Variants in PCSK5 observed in about 807,000 individuals in gnomAD.
PCSK5 encodes proprotein convertase subtilisin/kexin type 5, also known as prohormone convertase 5.
A neutral mutation model predicts 233.2 loss-of-function variants in PCSK5; 129 were observed. That is an observed-to-expected ratio of 0.55 (90% CI 0.48 to 0.64). PCSK5 has a LOEUF of 0.64. Among genes scored for constraint, PCSK5 ranks in the 30% least tolerant of loss-of-function variants. The probability of loss-of-function intolerance (pLI) is 0.00; values close to 1 mark genes in which losing one functional copy is unlikely to be tolerated. For missense variants in PCSK5, 2,076 were observed against 2,430.1 expected, an observed-to-expected ratio of 0.85 and a Z score of 3.06; for synonymous variants, 825 against 879.2, an observed-to-expected ratio of 0.94 and a Z score of 1.09.
intron 5 of PCSK5, among the ~76,000 whole-genome samples, chr9:76,036,536 C>T (rs1242757708): frequency 2.0e-5 from 3 of 152,176 alleles, no homozygotes; most frequent in Non-Finnish European, 4.4e-5. Context: ...TTCCTCACCA[C>T]GTCAGTTTCT....
intron 10 of PCSK5, among the ~76,000 whole-genome samples, chr9:76,153,052 G>A (rs375115741): frequency 3.9e-5 from 6 of 152,214 alleles, no homozygotes; most frequent in South Asian, 2.1e-4. Context: ...AAGATGAAAC[G>A]GCTTTCCTGA....
chr9:76,284,619 G>A (rs772198823), intron 24 of PCSK5, among the ~76,000 whole-genome samples: 16 of 141,134 alleles, frequency 1.1e-4, no homozygotes, highest in Non-Finnish European at 2.1e-4. Context: ...TGCAACCTCC[G>A]CCTCCTGGGT....
intron 20 of PCSK5, among the ~76,000 whole-genome samples, chr9:76,197,817 ATCT>A (rs1323799358): frequency 4.6e-5 from 7 of 152,342 alleles, no homozygotes; most frequent in East Asian, 1.9e-4. Context: ...GACGGCACAG[ATCT>A]TCTTCTCTTC....
chr9:76,292,223 T>C lies in PCSK5; in HGVS notation c.3143-10T>C. 5 of 1,533,780 alleles carry C rather than the reference T, an allele frequency of 3.3e-6. No individual in the cohort carries two copies. Among genetic ancestry groups the C allele is most frequent in the Admixed American group, 1.7e-5 (1 of 59,510 alleles). On this transcript the variant is annotated splice_polypyrimidine_tract_variant and intron_variant, in intron 24 of 37. Transcript: ENST00000674117. Reference sequence around the variant, plus strand: ...CATGATTATTACTTTTTATTATTTTTTTTTTCCAGATGATCCAGGAACATG... The same window carrying C: ...CATGATTATTACTTTTTATTATTTTCTTTTTCCAGATGATCCAGGAACATG...
rs551818965 is a variant in PCSK5 at position 76,310,771 on chromosome 9, C to T, written c.3804C>T (p.Ala1268=). 14 of 1,611,934 alleles carry T rather than the reference C, an allele frequency of 8.7e-6. No homozygotes were observed. The highest frequency in any genetic ancestry group is 3.3e-5 in the South Asian group (3 of 90,844). The part of the protein sequence containing the change: ...CTEACAICSG[A]DLCKKCQMQP... ...AGGCCTGTGCCATCTGCTCTGGAGC[C>T]GATCTTTGCAAAAAATGCCAGATGC... The change falls in exon 30 of 38, where the codon GCC becomes GCT. Residue 1268 remains alanine (A), a synonymous_variant. Coordinates refer to ENST00000674117, the MANE Select transcript of PCSK5 (RefSeq NM_001372043.1).
intron 25 of PCSK5, among the ~76,000 whole-genome samples, chr9:76,293,995 G>C (rs144737531): frequency 0.016 from 2,496 of 152,252 alleles, 36 homozygotes; most frequent in Middle Eastern, 0.027. Context: ...TCAGGAGTTT[G>C]GGACCAGCCT....
chr9:76,296,891 AC>A, intron 27 of PCSK5, 26 bp downstream of exon 27: 1 of 1,507,010 alleles, frequency 6.6e-7, no homozygotes, highest in Non-Finnish European at 9.2e-7. Context: ...AAAAGAGGTC[AC>A]AGGGGTCTAG....
chr9:76,328,299 C>A, intron 33 of PCSK5, 60 bp downstream of exon 33: 1 of 1,229,250 alleles, frequency 8.1e-7, no homozygotes, highest in Non-Finnish European at 1.2e-6. Flanking sequence ...CTGCCTTGCA[C>A]ACTGCCTTGT....
chr9:76,126,980 T>G (rs1380523347), intron 9 of PCSK5, among the ~76,000 whole-genome samples: 2 of 151,832 alleles, frequency 1.3e-5, no homozygotes, highest in Admixed American at 1.3e-4. Context: ...TTACTTCAAA[T>G]TCTAGAACCC....
intron 2 of PCSK5, among the ~76,000 whole-genome samples, chr9:75,933,624 T>C (rs1823913040): frequency 6.6e-6 from 1 of 152,220 alleles, no homozygotes; most frequent in Non-Finnish European, 1.5e-5. Flanking sequence ...TTCTGGAATA[T>C]GTTCATGATT....
intron 13 of PCSK5, among the ~76,000 whole-genome samples, chr9:76,174,478 T>C (rs1025596649): frequency 1.7e-4 from 26 of 151,850 alleles, no homozygotes; most frequent in Non-Finnish European, 2.8e-4. Context: ...AGCTAATTTT[T>C]TTTTTGTATT....
At chr9:76,347,716 C>A (rs1830014977) in intron 35 of PCSK5, among the ~76,000 whole-genome samples, 1 of 149,392 alleles carries the variant, frequency 6.7e-6, no homozygotes, top group Non-Finnish European at 1.5e-5. Context: ...CATGGTGAAA[C>A]CCCATCTCTA....
chr9:76,025,521 A>G (rs1360709212), intron 4 of PCSK5, among the ~76,000 whole-genome samples: 1 of 152,116 alleles, frequency 6.6e-6, no homozygotes, highest in Non-Finnish European at 1.5e-5. Context: ...TAGAAGGAGG[A>G]AGCAGCCCAT....
At chr9:76,287,689 G>C (rs957644295) in intron 24 of PCSK5, 3 of 152,654 alleles carry the variant, frequency 2.0e-5, no homozygotes, top group African/African-American at 7.2e-5. Flanking sequence ...TCGATCTCCT[G>C]ACCTTTTGAT....
At chr9:76,047,710 G>A (rs1390266553) in intron 5 of PCSK5, among the ~76,000 whole-genome samples, 6 of 152,152 alleles carry the variant, frequency 3.9e-5, no homozygotes, top group African/African-American at 1.2e-4. Flanking sequence ...ATAAATGGGC[G>A]TTGTGAGGAG....
chr9:75,944,732 G>A (rs533869765), intron 2 of PCSK5, among the ~76,000 whole-genome samples: 2 of 152,162 alleles, frequency 1.3e-5, no homozygotes, highest in South Asian at 4.1e-4. Flanking sequence ...CCATTATGCT[G>A]GTGTTCTTGC....
At chr9:76,178,607 C>G (rs753240816) in intron 14 of PCSK5, among the ~76,000 whole-genome samples, 1 of 152,130 alleles carries the variant, frequency 6.6e-6, no homozygotes, top group Non-Finnish European at 1.5e-5. Flanking sequence ...CCCATAATGA[C>G]TCAAAGAAAC....
chr9:75,973,300 T>C (rs185145515), intron 2 of PCSK5, among the ~76,000 whole-genome samples: 2 of 152,174 alleles, frequency 1.3e-5, no homozygotes, highest in Non-Finnish European at 2.9e-5. Flanking sequence ...CAAAACTTCA[T>C]TGGTCTGTCA....
At chr9:76,297,436 G>A (rs1007859399) in intron 27 of PCSK5, among the ~76,000 whole-genome samples, 6 of 152,278 alleles carry the variant, frequency 3.9e-5, no homozygotes, top group East Asian at 3.9e-4. Flanking sequence ...CAGGGAAAGC[G>A]TGAAGCTTCT....
Sources: allele counts gnomAD v4.1 joint callset (sites outside exome capture counted in the v4.1 genomes callset), GRCh38; gene constraint gnomAD v4.1.1; transcripts MANE v1.5; gene names NCBI Gene and HGNC (gene_info 2026-07-23, HGNC 2026-07-21).